Variants in CDYL2 observed in about 807,000 individuals in gnomAD.
CDYL2 encodes chromodomain Y-like protein 2.
Under a neutral mutation model 49.4 loss-of-function variants are expected in CDYL2, and 23 were observed. The ratio of observed to expected loss-of-function variants is 0.47; its 90% CI spans 0.34 to 0.66. The LOEUF (loss-of-function observed/expected upper bound fraction) is 0.66. Ranked by LOEUF, CDYL2 falls within the 30% of genes least tolerant of loss-of-function variation. The pLI is 0.01. For missense variants in CDYL2, 678 were observed against 656.4 expected (o/e 1.03, Z -0.36); for synonymous variants, 360 against 268.8 (o/e 1.34, Z -3.32).
rs190334397 is a variant in CDYL2 at position 80,713,018 on chromosome 16, C to T, written c.25-27889G>A. 1.1e-4 allele frequency among the ~76,000 whole-genome samples: 17 copies of T among 152,268 alleles called. No individual in the cohort carries two copies. In the East Asian group the frequency reaches 2.1e-3, roughly 19 times the overall value. ...GCACTCCAGGTCCAGGTTGTGGCTT[C>T]GCTCATTGTTTTCAGCTGCAGACAA... On this transcript the variant is annotated intron_variant, in intron 1 of 6. Transcript: ENST00000570137.
intron 5 of CDYL2, among the ~76,000 whole-genome samples, chr16:80,608,556 G>A (rs774353560): frequency 2.2e-4 from 34 of 152,168 alleles, no homozygotes; most frequent in Non-Finnish European, 3.8e-4. Flanking sequence ...CAGAGCCGAT[G>A]ACCCAGCCGT....
At chr16:80,777,069 G>A (rs911432072) in intron 1 of CDYL2, among the ~76,000 whole-genome samples, 2 of 151,958 alleles carry the variant, frequency 1.3e-5, no homozygotes, top group Non-Finnish European at 2.9e-5. Flanking sequence ...CAATCCGTCC[G>A]CCTTGGCCTC....
chr16:80,759,986 G>A (rs1002901032), intron 1 of CDYL2, among the ~76,000 whole-genome samples: 1 of 152,082 alleles, frequency 6.6e-6, no homozygotes, highest in South Asian at 2.1e-4. Context: ...AACTGTAGAG[G>A]CATAAAACCT....
At chr16:80,662,857 T>C (rs1305868811) in intron 2 of CDYL2, 3 of 445,152 alleles carry the variant, frequency 6.7e-6, no homozygotes, top group Non-Finnish European at 1.4e-5. Context: ...TCTGGCTCCC[T>C]CCTCACCACC....
At chr16:80,796,785 G>A (rs987926714) in intron 1 of CDYL2, among the ~76,000 whole-genome samples, 4 of 151,992 alleles carry the variant, frequency 2.6e-5, no homozygotes, top group Admixed American at 2.6e-4. Context: ...TAGAAGAGTT[G>A]CCCATACAAG....
intron 1 of CDYL2, among the ~76,000 whole-genome samples, chr16:80,724,455 T>C (rs1905102312): frequency 6.6e-6 from 1 of 152,128 alleles, no homozygotes; most frequent in Non-Finnish European, 1.5e-5. Flanking sequence ...TCTGTAAAAC[T>C]CTGGAGCTCT....
chr16:80,637,308 A>C (rs1218808594), intron 2 of CDYL2, among the ~76,000 whole-genome samples: 1 of 152,238 alleles, frequency 6.6e-6, no homozygotes, highest in East Asian at 1.9e-4. Flanking sequence ...TGTCTTACTT[A>C]GCGGTGAGAA....
Position 80,603,415 on chromosome 16 carries a change from A to G in CDYL2, c.*973T>C, listed in dbSNP as rs974613112. ...AGAGGGAAGAAAAAACTCTCCCAAG[A>G]TGTCTCCTAAGGACAAACCTAAGGA... On this transcript the variant is annotated 3_prime_UTR_variant, in exon 7 of 7. Transcript: ENST00000570137. 2.6e-5 allele frequency: 4 copies of G among 152,186 alleles called. No individual in the cohort carries two copies. Among genetic ancestry groups the G allele is most frequent in the Admixed American group, 6.5e-5 (1 of 15,280 alleles). The allele number at this position is 152,186 out of a possible 1,614,324, so 9.4% of individuals were successfully genotyped here. A position where few individuals can be genotyped will look rare whatever the true frequency, so the allele number is the denominator to read the frequency against.
intron 1 of CDYL2, among the ~76,000 whole-genome samples, chr16:80,701,908 T>C (rs1419070860): frequency 6.6e-6 from 1 of 152,214 alleles, no homozygotes; most frequent in African/African-American, 2.4e-5. Flanking sequence ...ATAAAGCCAC[T>C]ATACTTGTGA....
intron 1 of CDYL2, among the ~76,000 whole-genome samples, chr16:80,722,288 AG>A (rs1905023378): frequency 6.6e-6 from 1 of 152,220 alleles, no homozygotes; most frequent in Non-Finnish European, 1.5e-5. Context: ...GATCTGGAGC[AG>A]GGCTGGGCAC....
chr16:80,623,807 G>A (rs4889172), intron 3 of CDYL2, among the ~76,000 whole-genome samples: 13,393 of 152,154 alleles, frequency 0.088, 1,164 homozygotes, highest in East Asian at 0.3. Context: ...CTTCACCGCA[G>A]GCTAGGCTGC....
At chr16:80,737,572 G>A (rs1328443505) in intron 1 of CDYL2, among the ~76,000 whole-genome samples, 1 of 152,164 alleles carries the variant, frequency 6.6e-6, no homozygotes, top group African/African-American at 2.4e-5. Flanking sequence ...TGTTGCTGCT[G>A]TTGCTGCTGC....
At chr16:80,741,312 C>T (rs948008924) in intron 1 of CDYL2, among the ~76,000 whole-genome samples, 1 of 150,950 alleles carries the variant, frequency 6.6e-6, no homozygotes, top group Non-Finnish European at 1.5e-5. Context: ...TATCATTAAC[C>T]AACATGAATC....
At chr16:80,742,898 A>AATGGATGG (rs370550416) in intron 1 of CDYL2, among the ~76,000 whole-genome samples, 2 of 146,004 alleles carry the variant, frequency 1.4e-5, no homozygotes, top group East Asian at 2.1e-4. Flanking sequence ...ATGGAAAAAG[A>AATGGATGG]ATGGATGGAT....
intron 1 of CDYL2, among the ~76,000 whole-genome samples, chr16:80,776,992 T>G (rs1017627705): frequency 6.8e-5 from 10 of 147,552 alleles, no homozygotes; most frequent in African/African-American, 2.0e-4. Flanking sequence ...TAATTTTTTG[T>G]TTTTTTTTTA....
At chr16:80,663,671 C>T (rs953794245) in intron 2 of CDYL2, among the ~76,000 whole-genome samples, 6 of 152,120 alleles carry the variant, frequency 3.9e-5, no homozygotes, top group Non-Finnish European at 8.8e-5. Context: ...TGGCTCACTG[C>T]AACCTCCGCA....
chr16:80,607,552 T>A (rs1906395891), intron 6 of CDYL2, among the ~76,000 whole-genome samples: 1 of 152,234 alleles, frequency 6.6e-6, no homozygotes, highest in African/African-American at 2.4e-5. Flanking sequence ...TCTGAGTGAC[T>A]GTTATGAGAT....
intron 2 of CDYL2, among the ~76,000 whole-genome samples, chr16:80,673,903 G>T (rs1909634598): frequency 6.6e-6 from 1 of 152,176 alleles, no homozygotes; most frequent in South Asian, 2.1e-4. Flanking sequence ...AAGGAGATGT[G>T]AGGATGGATG....
chr16:80,629,579 T>A (rs973232246), intron 3 of CDYL2, among the ~76,000 whole-genome samples: 2 of 152,186 alleles, frequency 1.3e-5, no homozygotes, highest in Non-Finnish European at 2.9e-5. Context: ...GACTGTGTCA[T>A]CTGTTTCACT....
Sources: gnomAD v4.1 joint callset for allele counts (sites outside exome capture counted in the v4.1 genomes callset) on GRCh38, gnomAD v4.1.1 for gene constraint, MANE v1.5 for transcripts, NCBI Gene and HGNC (gene_info 2026-07-23, HGNC 2026-07-21) for gene names.